The following ARID1B variants were observed in gnomAD, a reference collection of about 807,000 sequenced individuals.
The protein encoded by ARID1B is AT-rich interactive domain-containing protein 1B.
Under a neutral mutation model 212.3 loss-of-function variants are expected in ARID1B, and 30 were observed. The observed-to-expected ratio is 0.14, with a 90% CI of 0.11 to 0.19. ARID1B has a LOEUF of 0.19. Among genes scored for constraint, ARID1B ranks in the 10% least tolerant of loss-of-function variants. The probability of loss-of-function intolerance (pLI) is 1.00; values close to 1 mark genes in which losing one functional copy is unlikely to be tolerated. For synonymous variants in ARID1B, 1,402 were observed against 1,301.7 expected (o/e 1.08, Z -1.66); for missense variants, 2,891 against 3,204.0 (o/e 0.90, Z 2.36).
At chr6:156,791,668 C>T (rs185673280) in intron 1 of ARID1B, among the ~76,000 whole-genome samples, 34 of 152,324 alleles carry the variant, frequency 2.2e-4, no homozygotes, top group Admixed American at 9.2e-4. Flanking sequence ...AAACGGAACA[C>T]GGACAGATAA....
At chr6:157,125,923 A>T (rs569935084) in intron 6 of ARID1B, among the ~76,000 whole-genome samples, 1 of 152,180 alleles carries the variant, frequency 6.6e-6, no homozygotes, top group African/African-American at 2.4e-5. Flanking sequence ...ATTTTTCCCT[A>T]TTGATAGGCT....
intron 4 of ARID1B, among the ~76,000 whole-genome samples, chr6:156,969,529 T>C (rs55928523): frequency 0.047 from 7,175 of 152,278 alleles, 552 homozygotes; most frequent in African/African-American, 0.16. Context: ...GCGAGCCACA[T>C]TTATTTGCAT....
At chr6:156,907,347 C>CTATTGAGATGATCACTTTGTATG (rs1414265549) in intron 3 of ARID1B, among the ~76,000 whole-genome samples, 1 of 152,020 alleles carries the variant, frequency 6.6e-6, no homozygotes, top group Non-Finnish European at 1.5e-5. Flanking sequence ...TTTTTTGAAT[C>CTATTGAGATGATCACTTTGTATG]TATTGAGATG....
chr6:156,944,708 C>G (rs1303773967), intron 4 of ARID1B, among the ~76,000 whole-genome samples: 2 of 152,100 alleles, frequency 1.3e-5, no homozygotes, highest in Non-Finnish European at 2.9e-5. Flanking sequence ...CTGAGGCCTC[C>G]CTTCACCTCC....
At chr6:156,846,084 A>G (rs923095463) in intron 2 of ARID1B, among the ~76,000 whole-genome samples, 3 of 152,038 alleles carry the variant, frequency 2.0e-5, no homozygotes, top group African/African-American at 4.8e-5. Flanking sequence ...GCTCCTCTGC[A>G]GTGTTCCTGG....
At chr6:157,036,952 G>A in intron 4 of ARID1B, 2 of 427,756 alleles carry the variant, frequency 4.7e-6, no homozygotes, top group South Asian at 3.7e-5. Context: ...TCAACAGAGG[G>A]GACTTATTTT....
rs934753776 is a variant in ARID1B at position 157,094,511 on chromosome 6, C to T, written c.2491+9606C>T. Among the ~76,000 whole-genome samples the T allele has an allele frequency of 3.3e-5, 5 of 152,094 alleles. No individual in the cohort carries two copies. Among genetic ancestry groups the T allele is most frequent in the East Asian group, 1.9e-4 (1 of 5,190 alleles). On this transcript the variant is annotated intron_variant, in intron 5 of 19. Coordinates refer to ENST00000636930, the MANE Select transcript of ARID1B (RefSeq NM_001374828.1). The surrounding 1 kb of genome is among the most constrained non-coding windows in gnomAD (Gnocchi z 4.3). ...CTGGGACTATAGGCACATGTCACCA[C>T]GCTTGGCTAATTTTTATATTTTTAG...
At chr6:156,959,225 A>G (rs1475078396) in intron 4 of ARID1B, among the ~76,000 whole-genome samples, 1 of 152,138 alleles carries the variant, frequency 6.6e-6, no homozygotes, top group African/African-American at 2.4e-5. Context: ...TCCACAGGGA[A>G]TTGGTTCTAG....
intron 1 of ARID1B, among the ~76,000 whole-genome samples, chr6:156,797,892 C>G (rs1055331093): frequency 6.6e-6 from 1 of 152,066 alleles, no homozygotes; most frequent in Admixed American, 6.6e-5. Flanking sequence ...GAGGAGCCAC[C>G]CAGAGAGCCA....
chr6:156,807,246 G>GATTTTCC (rs1475009673), intron 1 of ARID1B, among the ~76,000 whole-genome samples: 2 of 151,510 alleles, frequency 1.3e-5, no homozygotes, highest in Non-Finnish European at 2.9e-5. Flanking sequence ...TGGAGTGGAA[G>GATTTTCC]AGCCCAGGGT....
Position 157,200,783 on chromosome 6 carries a change from A to G in ARID1B, c.4558A>G (p.Ser1520Gly). The change falls in exon 18 of 20, where the codon AGC (serine) becomes GGC (glycine). Residue 1520 changes from serine (S) to glycine (G), a missense_variant. By Grantham distance (56) the Ser-to-Gly change is moderately conservative. This residue lies in a region of ARID1B where 666 missense variants were observed against 873.5 expected (regional missense o/e 0.76). Transcript: ENST00000636930. This position sits in a 1 kb window ranked among gnomAD's most constrained non-coding sequence, Gnocchi z 4.3. ...GGGCGACATGTACAACATGCAGTAC[A>G]GCAGCCAGCAGCAGGAGATGTACAA... is the stretch of plus-strand genomic sequence containing the variant. ...HEGDMYNMQY[S>G]SQQQEMYNQY... is the part of the protein sequence containing the mutation. 4.3e-6 allele frequency: 7 copies of G among 1,614,108 alleles called. No individual in the cohort carries two copies. The highest frequency in any genetic ancestry group is 5.9e-6 in the Non-Finnish European group (7 of 1,180,016).
intron 5 of ARID1B, among the ~76,000 whole-genome samples, chr6:157,098,238 T>C (rs1785791141): frequency 6.6e-6 from 1 of 152,174 alleles, no homozygotes; most frequent in Non-Finnish European, 1.5e-5. Context: ...AAAGCGAGGA[T>C]TCGAGAGAAT....
chr6:156,904,869 C>T (rs1384897603), intron 3 of ARID1B, among the ~76,000 whole-genome samples: 3 of 152,154 alleles, frequency 2.0e-5, no homozygotes, highest in Non-Finnish European at 2.9e-5. Flanking sequence ...ATGTAAGGCA[C>T]GTTTGAAACA....
At chr6:156,942,379 C>CT (rs1296365553) in intron 4 of ARID1B, 1 of 152,310 alleles carries the variant, frequency 6.6e-6, no homozygotes, top group East Asian at 1.9e-4. Flanking sequence ...CTTTGACCAG[C>CT]TTGCAGCTCT....
At chr6:156,942,141 G>A (rs966108412) in intron 4 of ARID1B, 2 of 152,040 alleles carry the variant, frequency 1.3e-5, no homozygotes, top group Non-Finnish European at 1.5e-5. Flanking sequence ...AATTAATGAA[G>A]GAGTATGAAG....
chr6:157,094,659 T>A lies in ARID1B; in HGVS notation c.2491+9754T>A, dbSNP rs1410126170. On this transcript the variant is annotated intron_variant, in intron 5 of 19. Transcript: ENST00000636930. The surrounding 1 kb of genome is among the most constrained non-coding windows in gnomAD (Gnocchi z 4.3). ...CGTGAGCCACCGCGCCTGGCCGATT[T>A]AGGAGTTTAAGTGTGATGTGATCCC... Among the ~76,000 whole-genome samples the A allele has an allele frequency of 6.6e-6, 1 of 152,068 alleles. No homozygotes were observed. The highest frequency in any genetic ancestry group is 1.9e-4 in the East Asian group (1 of 5,182).
At chr6:156,779,492 G>A (rs2115007535) in intron 1 of ARID1B, 21 bp downstream of exon 1, 1 of 1,325,582 alleles carries the variant, frequency 7.5e-7, no homozygotes, top group Non-Finnish European at 9.7e-7. Flanking sequence ...CGCCAGCCGG[G>A]CCTGCTTCCG....
chr6:156,818,783 G>C (rs926367511), intron 1 of ARID1B, among the ~76,000 whole-genome samples: 1 of 152,176 alleles, frequency 6.6e-6, no homozygotes, highest in Non-Finnish European at 1.5e-5. Flanking sequence ...CAGGACAAAA[G>C]ATTCTGAGGC....
intron 3 of ARID1B, among the ~76,000 whole-genome samples, chr6:156,920,429 T>G (rs1053371688): frequency 6.6e-6 from 1 of 152,244 alleles, no homozygotes; most frequent in Non-Finnish European, 1.5e-5. Context: ...TCATTTGTCT[T>G]TAACATGCTC....
Sources: gnomAD v4.1 joint callset for allele counts (sites outside exome capture counted in the v4.1 genomes callset) on GRCh38, gnomAD v4.1.1 for gene constraint, gnomAD v4.1.1 regional missense constraint, Gnocchi (gnomAD v3.1) non-coding constraint, MANE v1.5 for transcripts, NCBI Gene and HGNC (gene_info 2026-07-23, HGNC 2026-07-21) for gene names.